Variants in CNTNAP2 observed in about 807,000 individuals in gnomAD.
CNTNAP2 encodes the protein contactin-associated protein-like 2.
A neutral mutation model predicts 155.2 loss-of-function variants in CNTNAP2; 98 were observed. The observed-to-expected ratio is 0.63, with a 90% confidence interval of 0.54 to 0.75. The LOEUF is 0.75. Among genes scored for constraint, CNTNAP2 ranks in the 30% least tolerant of loss-of-function variants. The probability of loss-of-function intolerance (pLI) is 0.00; values close to 1 mark genes in which losing one functional copy is unlikely to be tolerated. For synonymous variants in CNTNAP2, 651 were observed against 631.2 expected (o/e 1.03, Z -0.47); for missense variants, 1,727 against 1,688.1 (o/e 1.02, Z -0.40).
chr7:147,544,715 G>A (rs568705574), intron 11 of CNTNAP2, among the ~76,000 whole-genome samples: 1 of 152,082 alleles, frequency 6.6e-6, no homozygotes, highest in East Asian at 1.9e-4. Context: ...CCCATGTGTT[G>A]TGGGAGGGAC....
At chr7:146,553,469 T>C (rs1177467916) in intron 1 of CNTNAP2, among the ~76,000 whole-genome samples, 1 of 151,986 alleles carries the variant, frequency 6.6e-6, no homozygotes, top group African/African-American at 2.4e-5. Context: ...CAAAATTAAA[T>C]AAAATAGATA....
chr7:147,820,174 T>C (rs1008863230), intron 13 of CNTNAP2, among the ~76,000 whole-genome samples: 4 of 152,122 alleles, frequency 2.6e-5, no homozygotes, highest in Non-Finnish European at 5.9e-5. Context: ...CCGTCAGAGT[T>C]TTAATTTTAA....
intron 9 of CNTNAP2, among the ~76,000 whole-genome samples, chr7:147,316,690 T>C (rs1795239965): frequency 6.6e-6 from 1 of 152,176 alleles, no homozygotes; most frequent in Non-Finnish European, 1.5e-5. Context: ...GATCCCATTG[T>C]ATGATTACAG....
chr7:147,273,227 G>T (rs1049931466), intron 8 of CNTNAP2, among the ~76,000 whole-genome samples: 7 of 152,026 alleles, frequency 4.6e-5, no homozygotes, highest in Non-Finnish European at 2.9e-5. Context: ...TACGTTGAGG[G>T]GTTCTGGGTT....
intron 4 of CNTNAP2, among the ~76,000 whole-genome samples, chr7:147,066,455 T>C (rs1421810128): frequency 6.6e-6 from 1 of 152,186 alleles, no homozygotes; most frequent in East Asian, 1.9e-4. Flanking sequence ...AAACAGCATA[T>C]CACACTGGAA....
At chr7:147,342,376 A>C (rs16883356) in intron 9 of CNTNAP2, among the ~76,000 whole-genome samples, 24,963 of 152,222 alleles carry the variant, frequency 0.16, 2,372 homozygotes, top group East Asian at 0.35. Context: ...CAGCTATAAA[A>C]ACATTTGCTT....
At chr7:146,960,823 A>T (rs956932092) in intron 3 of CNTNAP2, among the ~76,000 whole-genome samples, 4 of 152,136 alleles carry the variant, frequency 2.6e-5, no homozygotes, top group Non-Finnish European at 5.9e-5. Context: ...TTAATAGCCC[A>T]GTTATAAACA....
intron 15 of CNTNAP2, among the ~76,000 whole-genome samples, chr7:148,099,550 A>G (rs1804051810): frequency 6.6e-6 from 1 of 151,668 alleles, no homozygotes; most frequent in Admixed American, 6.6e-5. Flanking sequence ...ACTCTTCCTC[A>G]GTATAAATGA....
intron 1 of CNTNAP2, among the ~76,000 whole-genome samples, chr7:146,322,536 AAC>A (rs1801022627): frequency 6.6e-6 from 1 of 151,822 alleles, no homozygotes; most frequent in African/African-American, 2.4e-5. Context: ...CTCAGAATGA[AAC>A]ATACAAATTT....
At chr7:147,276,649 C>A (rs1350774367) in intron 8 of CNTNAP2, among the ~76,000 whole-genome samples, 1 of 151,982 alleles carries the variant, frequency 6.6e-6, no homozygotes, top group African/African-American at 2.4e-5. Flanking sequence ...TTGTTTTCTA[C>A]TGTAACAGCA....
At chr7:147,074,351 A>G (rs1399412062) in intron 4 of CNTNAP2, among the ~76,000 whole-genome samples, 3 of 152,090 alleles carry the variant, frequency 2.0e-5, no homozygotes, top group African/African-American at 7.2e-5. Flanking sequence ...TTTAGCTATG[A>G]TAAATATTTG....
intron 9 of CNTNAP2, among the ~76,000 whole-genome samples, chr7:147,375,845 T>C (rs1345407776): frequency 6.6e-6 from 1 of 152,066 alleles, no homozygotes; most frequent in East Asian, 1.9e-4. Flanking sequence ...CTTACTTTGG[T>C]GAGTTTTCAG....
At chr7:147,058,135 T>C (rs1799597561) in intron 4 of CNTNAP2, among the ~76,000 whole-genome samples, 1 of 152,214 alleles carries the variant, frequency 6.6e-6, no homozygotes, top group Non-Finnish European at 1.5e-5. Context: ...TATCATCTTT[T>C]CAACCAGGAT....
chr7:147,667,868 C>T (rs1415380719), intron 13 of CNTNAP2, among the ~76,000 whole-genome samples: 2 of 151,530 alleles, frequency 1.3e-5, no homozygotes, highest in Non-Finnish European at 2.9e-5. Flanking sequence ...AGGATTACGA[C>T]ATCTCTGACT....
intron 11 of CNTNAP2, among the ~76,000 whole-genome samples, chr7:147,502,928 G>A (rs997938428): frequency 5.3e-5 from 8 of 152,106 alleles, no homozygotes; most frequent in Non-Finnish European, 8.8e-5. Context: ...CACATCAGAA[G>A]AGTGTAGAAA....
chr7:147,371,702 T>A (rs1403112872), intron 9 of CNTNAP2, among the ~76,000 whole-genome samples: 1 of 152,128 alleles, frequency 6.6e-6, no homozygotes, highest in Non-Finnish European at 1.5e-5. Context: ...GCTCATTCGA[T>A]GTTGTAAGAA....
At chr7:148,360,816 CT>C (rs1231168802) in intron 21 of CNTNAP2, among the ~76,000 whole-genome samples, 220 of 126,724 alleles carry the variant, frequency 1.7e-3, no homozygotes, top group Middle Eastern at 7.6e-3. Context: ...TTTTCTTTTT[CT>C]TTTTTTTTTT....
intron 9 of CNTNAP2, among the ~76,000 whole-genome samples, chr7:147,395,220 T>G (rs191499568): frequency 3.2e-4 from 48 of 152,048 alleles, no homozygotes; most frequent in Admixed American, 2.8e-3. Context: ...AGAAGAAAGT[T>G]GGATAGTTGG....
At chr7:147,548,721 AG>A (rs1287067877) in intron 11 of CNTNAP2, among the ~76,000 whole-genome samples, 1 of 152,156 alleles carries the variant, frequency 6.6e-6, no homozygotes, top group Non-Finnish European at 1.5e-5. Flanking sequence ...GTTTTCTTCT[AG>A]GGTTTTTATG....
Sources: gnomAD v4.1 joint callset for allele counts (sites outside exome capture counted in the v4.1 genomes callset) on GRCh38, gnomAD v4.1.1 for gene constraint, MANE v1.5 for transcripts, NCBI Gene and HGNC (gene_info 2026-07-23, HGNC 2026-07-21) for gene names.